Variants in BLTP3B observed in about 807,000 individuals in gnomAD.
The protein encoded by BLTP3B is UHRF1 (ICBP90) binding protein 1-like.
At chr12:100,041,672 T>A in the BLTP3B span, among the ~76,000 whole-genome samples, 1 of 152,028 alleles carries the variant, frequency 6.6e-6, no homozygotes, top group Non-Finnish European at 1.5e-5. Context: ...CTTGACCTGG[T>A]GATCCACCCG....
At chr12:100,086,931 C>A in the BLTP3B span, among the ~76,000 whole-genome samples, 1 of 152,026 alleles carries the variant, frequency 6.6e-6, no homozygotes, top group East Asian at 1.9e-4. Context: ...GAGGCCGAGG[C>A]GGGTGGATCA....
chr12:100,047,908 G>C, the BLTP3B span: 64 of 1,403,016 alleles, frequency 4.6e-5, no homozygotes, highest in Non-Finnish European at 5.5e-5. Flanking sequence ...ATAAGGAAAA[G>C]GAACATGAAA....
At chr12:100,046,798 C>T in the BLTP3B span, among the ~76,000 whole-genome samples, 1 of 152,086 alleles carries the variant, frequency 6.6e-6, no homozygotes, top group Non-Finnish European at 1.5e-5. Context: ...ATAAAATCCA[C>T]ATAATGATGA....
the BLTP3B span, chr12:100,086,329 T>C: frequency 2.3e-6 from 3 of 1,323,262 alleles, no homozygotes; most frequent in Non-Finnish European, 3.0e-6. Flanking sequence ...GAGAGTTGCA[T>C]TGCCCCTCCA....
chr12:100,042,722 A>G, the BLTP3B span, among the ~76,000 whole-genome samples: 6 of 152,254 alleles, frequency 3.9e-5, no homozygotes, highest in Non-Finnish European at 8.8e-5. Flanking sequence ...ATCAGTCAGC[A>G]GCCATCAACC....
At chr12:100,053,451 C>T in the BLTP3B span, among the ~76,000 whole-genome samples, 3,018 of 152,016 alleles carry the variant, frequency 0.02, 46 homozygotes, top group Non-Finnish European at 0.033. Flanking sequence ...GAATGAACTG[C>T]AAATGGATAA....
At chr12:100,124,936 T>TTATTTATATATATA in the BLTP3B span, among the ~76,000 whole-genome samples, 1 of 56,544 alleles carries the variant, frequency 1.8e-5, no homozygotes, top group Non-Finnish European at 3.3e-5. Context: ...AAAAAAAATT[T>TTATTTATATATATA]TATATATATA....
the BLTP3B span, among the ~76,000 whole-genome samples, chr12:100,115,405 C>T: frequency 6.6e-6 from 1 of 151,888 alleles, no homozygotes; most frequent in Non-Finnish European, 1.5e-5. Flanking sequence ...AACTCTGTCT[C>T]AAAAAATAAA....
the BLTP3B span, among the ~76,000 whole-genome samples, chr12:100,087,192 AAAAGTC>A: frequency 1.1e-4 from 17 of 151,280 alleles, no homozygotes; most frequent in Admixed American, 6.6e-4. Flanking sequence ...GGAAATTATT[AAAAGTC>A]TGTTAGGTTA....
At chr12:100,080,186 C>T in the BLTP3B span, among the ~76,000 whole-genome samples, 12 of 152,246 alleles carry the variant, frequency 7.9e-5, no homozygotes, top group African/African-American at 2.4e-4. Context: ...AGAAGGCCAC[C>T]GTCCTCCTGA....
chr12:100,123,324 T>TA, the BLTP3B span, among the ~76,000 whole-genome samples: 4 of 152,080 alleles, frequency 2.6e-5, no homozygotes, highest in Non-Finnish European at 4.4e-5. Flanking sequence ...AAAAACAATT[T>TA]AAAAAAATGG....
the BLTP3B span, among the ~76,000 whole-genome samples, chr12:100,127,605 C>G: frequency 2.0e-5 from 3 of 152,302 alleles, no homozygotes; most frequent in South Asian, 6.2e-4. Context: ...GAAAGAAATT[C>G]AGCACCATTT....
the BLTP3B span, chr12:100,072,948 T>C: frequency 1.2e-6 from 1 of 861,742 alleles, no homozygotes; most frequent in South Asian, 2.4e-5. Flanking sequence ...AACTTTATTA[T>C]ATATTTAACT....
At chr12:100,110,308 C>T in the BLTP3B span, among the ~76,000 whole-genome samples, 1 of 152,204 alleles carries the variant, frequency 6.6e-6, no homozygotes, top group Non-Finnish European at 1.5e-5. Flanking sequence ...AGGATGTCAA[C>T]TGAGAAATAC....
At chr12:100,086,171 C>A in the BLTP3B span, 1 of 699,940 alleles carries the variant, frequency 1.4e-6, no homozygotes, top group Non-Finnish European at 2.1e-6. Context: ...CTCTTCATCT[C>A]ATTTCTTGTT....
the BLTP3B span, chr12:100,095,930 T>C: frequency 8.7e-7 from 1 of 1,150,868 alleles, no homozygotes; most frequent in South Asian, 1.7e-5. Flanking sequence ...CGTTTTTGAA[T>C]AGAAATATGG....
chr12:100,040,384 A>G, the BLTP3B span, among the ~76,000 whole-genome samples: 4 of 152,102 alleles, frequency 2.6e-5, no homozygotes, highest in African/African-American at 9.7e-5. Context: ...AAAAATACAA[A>G]AAACTATGTA....
chr12:100,059,812 CAA>C, the BLTP3B span: 1 of 1,559,772 alleles, frequency 6.4e-7, no homozygotes. Context: ...ATAAAAAGAA[CAA>C]AATTAAATCA....
At chr12:100,047,693 T>G in the BLTP3B span, 2 of 1,322,450 alleles carry the variant, frequency 1.5e-6, no homozygotes, top group Non-Finnish European at 2.2e-6. Flanking sequence ...ATATTTTTAA[T>G]GAGTTAAAGA....
Sources: allele counts gnomAD v4.1 joint callset (sites outside exome capture counted in the v4.1 genomes callset), GRCh38; gene constraint gnomAD v4.1.1; transcripts MANE v1.5; gene names NCBI Gene and HGNC (gene_info 2026-07-23, HGNC 2026-07-21).